The following KLF8 variants were observed in gnomAD, a reference collection of about 807,000 sequenced individuals.
KLF8 encodes Krueppel-like factor 8.
Under a neutral mutation model 18.2 loss-of-function variants are expected in KLF8, and 10 were observed. That is an observed-to-expected ratio of 0.55 (90% CI 0.34 to 0.93). The LOEUF is 0.93. Among genes scored for constraint, KLF8 ranks in the 40% least tolerant of loss-of-function variants. KLF8 has a pLI of 0.02. For synonymous variants in KLF8, 109 were observed against 97.3 expected (o/e 1.12, Z -0.71); for missense variants, 264 against 277.9 (o/e 0.95, Z 0.36).
chrX:56,071,918 T>C, the KLF8 span, among the ~76,000 whole-genome samples: 1 of 111,935 alleles, frequency 8.9e-6, no homozygotes, highest in Non-Finnish European at 1.9e-5. Flanking sequence ...GAATACAGGA[T>C]TGGAAGTGAA....
In KLF8 at chrX:56,285,905, A is replaced by G. The variant is rs1408405038; in HGVS notation, c.*1411A>G. 9.0e-6 allele frequency: 1 copy of G among 110,600 alleles called. No individual in the cohort carries two copies. The highest frequency in any genetic ancestry group is 3.3e-5 in the African/African-American group (1 of 30,419). 9.1% of individuals were successfully genotyped at this position (110,600 alleles called of 1,213,427 possible). ...TTTAGACTCAGCCTCTCTTTAAAAG[A>G]TTGTCTTTATATTGAACACCTTTTT... is the stretch of plus-strand genomic sequence containing the variant. On this transcript the variant is annotated 3_prime_UTR_variant, in exon 6 of 6. Coordinates refer to ENST00000468660, the MANE Select transcript of KLF8 (RefSeq NM_007250.5).
the KLF8 span, among the ~76,000 whole-genome samples, chrX:55,943,242 A>G: frequency 1.8e-5 from 2 of 110,992 alleles, no homozygotes; most frequent in South Asian, 3.8e-4. Context: ...TGAAATGCTT[A>G]TTAGATATCC....
the KLF8 span, among the ~76,000 whole-genome samples, chrX:56,143,320 C>A: frequency 8.9e-6 from 1 of 112,056 alleles, no homozygotes; most frequent in Non-Finnish European, 1.9e-5. Context: ...TTTAAAAAGC[C>A]TTCCTTCATT....
the KLF8 span, among the ~76,000 whole-genome samples, chrX:56,129,297 G>A: frequency 3.6e-5 from 4 of 111,820 alleles, no homozygotes; most frequent in Admixed American, 9.4e-5. Context: ...ACCCTTTGAA[G>A]GAAGAGGATT....
the KLF8 span, among the ~76,000 whole-genome samples, chrX:56,078,149 A>G: frequency 9.0e-6 from 1 of 111,573 alleles, no homozygotes; most frequent in Non-Finnish European, 1.9e-5. Context: ...CTCCTGCCTA[A>G]TTGCCCTGGC....
the KLF8 span, among the ~76,000 whole-genome samples, chrX:56,109,658 T>A: frequency 8.9e-6 from 1 of 112,017 alleles, no homozygotes; most frequent in Non-Finnish European, 1.9e-5. Flanking sequence ...ATAATTTTGA[T>A]TCTGTTGCTT....
At chrX:56,053,149 T>C in the KLF8 span, among the ~76,000 whole-genome samples, 1 of 112,219 alleles carries the variant, frequency 8.9e-6, no homozygotes, top group Non-Finnish European at 1.9e-5. Context: ...CCGCACCCAC[T>C]GACCTGCGCC....
the KLF8 span, among the ~76,000 whole-genome samples, chrX:55,957,029 G>T: frequency 9.1e-6 from 1 of 110,395 alleles, no homozygotes. Flanking sequence ...ATAATTTTGG[G>T]TCGTTAGGTC....
At chrX:56,086,832 C>A in the KLF8 span, among the ~76,000 whole-genome samples, 2 of 111,039 alleles carry the variant, frequency 1.8e-5, no homozygotes, top group South Asian at 3.8e-4. Flanking sequence ...AGGCAATCAG[C>A]ACTAAGATGT....
the KLF8 span, among the ~76,000 whole-genome samples, chrX:56,123,309 G>GA: frequency 3.3e-3 from 352 of 108,151 alleles, 1 homozygote; most frequent in African/African-American, 0.012. Flanking sequence ...GAGAAAGAAA[G>GA]AAAGAAAAGA....
the KLF8 span, among the ~76,000 whole-genome samples, chrX:56,049,889 T>A: frequency 9.3e-6 from 1 of 107,636 alleles, no homozygotes; most frequent in Non-Finnish European, 1.9e-5. Context: ...TGTGAATCCA[T>A]CTGGTCCTGG....
the KLF8 span, among the ~76,000 whole-genome samples, chrX:56,206,780 A>G: frequency 3.5e-5 from 4 of 112,733 alleles, no homozygotes; most frequent in Non-Finnish European, 5.6e-5. Context: ...TCCACTAGGC[A>G]GTGCTCCAGA....
At chrX:56,272,217 AT>A (rs766612386) in intron 5 of KLF8, among the ~76,000 whole-genome samples, 140 of 104,544 alleles carry the variant, frequency 1.3e-3, no homozygotes, top group Middle Eastern at 4.9e-3. Flanking sequence ...ATCTCACTAC[AT>A]TTTTTTTTTT....
At chrX:55,939,095 C>T in the KLF8 span, among the ~76,000 whole-genome samples, 2 of 111,755 alleles carry the variant, frequency 1.8e-5, no homozygotes, top group Non-Finnish European at 3.8e-5. Flanking sequence ...CCATACCAAG[C>T]CTATTCCAAA....
intron 2 of KLF8, among the ~76,000 whole-genome samples, chrX:56,259,159 T>C (rs1003720905): frequency 9.0e-6 from 1 of 111,103 alleles, no homozygotes. Context: ...TAATTTAATA[T>C]TGTTAATATT....
upstream of KLF8, among the ~76,000 whole-genome samples, chrX:56,228,027 AAACCC>A (rs1569170609): frequency 9.0e-6 from 1 of 111,419 alleles, no homozygotes; most frequent in Non-Finnish European, 1.9e-5. Flanking sequence ...CCAGAATTTC[AAACCC>A]TGGCCACATG....
At chrX:56,162,470 G>T in the KLF8 span, among the ~76,000 whole-genome samples, 1 of 111,690 alleles carries the variant, frequency 9.0e-6, no homozygotes, top group East Asian at 2.8e-4. Context: ...CGGCAATGCC[G>T]GGAACCCCTC....
the KLF8 span, among the ~76,000 whole-genome samples, chrX:55,942,316 A>G: frequency 9.1e-6 from 1 of 109,659 alleles, no homozygotes; most frequent in Admixed American, 9.8e-5. Flanking sequence ...GAATTGATCA[A>G]TGAGTACGCA....
chrX:56,029,301 T>C, the KLF8 span, among the ~76,000 whole-genome samples: 2 of 111,524 alleles, frequency 1.8e-5, no homozygotes, highest in Non-Finnish European at 3.8e-5. Flanking sequence ...AGCCCTGTTT[T>C]GTAAAGGAAA....
Sources: gnomAD v4.1 joint callset for allele counts (sites outside exome capture counted in the v4.1 genomes callset) on GRCh38, gnomAD v4.1.1 for gene constraint, MANE v1.5 for transcripts, NCBI Gene and HGNC (gene_info 2026-07-23, HGNC 2026-07-21) for gene names.